The following ATPSCKMT variants were observed in gnomAD, a reference collection of about 807,000 sequenced individuals.
ATPSCKMT encodes ATP synthase c subunit lysine N-methyltransferase, also known as ATP synthase subunit C lysine N-methyltransferase.
A neutral mutation model predicts 24.3 loss-of-function variants in ATPSCKMT; 24 were observed. The observed-to-expected ratio is 0.99, with a 90% CI of 0.71 to 1.39. ATPSCKMT has a LOEUF of 1.39. Among genes scored for constraint, ATPSCKMT ranks in the 40% most tolerant of loss-of-function variants. ATPSCKMT has a pLI of 0.00. For synonymous variants in ATPSCKMT, 95 were observed against 110.5 expected (o/e 0.86, Z 0.88); for missense variants, 311 against 298.4 (o/e 1.04, Z -0.31).
At chr5:10,238,835 T>G (rs987781828) in intron 2 of ATPSCKMT, among the ~76,000 whole-genome samples, 5 of 152,224 alleles carry the variant, frequency 3.3e-5, no homozygotes, top group Non-Finnish European at 5.9e-5. Flanking sequence ...AACTGTTCTT[T>G]TTCACCTGGC....
intron 1 of ATPSCKMT, 78 bp from the exon 2 acceptor site, chr5:10,239,434 C>G: frequency 7.9e-7 from 1 of 1,260,074 alleles, no homozygotes; most frequent in South Asian, 1.4e-5. Context: ...CTACAATTCT[C>G]ATTGGCAAAC....
Position 10,249,885 on chromosome 5 carries a change from C to T in ATPSCKMT, c.-12G>A, listed in dbSNP as rs1467741914. 1 of 1,051,636 alleles carries T rather than the reference C, an allele frequency of 9.5e-7. No homozygotes were observed. The highest frequency in any genetic ancestry group is 1.3e-6 in the Non-Finnish European group (1 of 748,630). 65.1% of individuals were successfully genotyped at this position (1,051,636 alleles called of 1,614,324 possible). Reference sequence around the variant, plus strand: ...CCTCCTCCCTCCATCGCGAGATTTCCAACAGCGTTTTTAAAAAAAAAAAAA... The same window carrying T: ...CCTCCTCCCTCCATCGCGAGATTTCTAACAGCGTTTTTAAAAAAAAAAAAA... On this transcript the variant is annotated 5_prime_UTR_variant, in exon 1 of 5. Coordinates refer to ENST00000511437, the MANE Select transcript of ATPSCKMT (RefSeq NM_199133.4).
At chr5:10,236,648 GAAGAAAA>G in intron 2 of ATPSCKMT, 33 bp from the exon 3 acceptor site, 1 of 1,598,294 alleles carries the variant, frequency 6.3e-7, no homozygotes, top group South Asian at 1.1e-5. Flanking sequence ...TTCAAAATAA[GAAGAAAA>G]AATGAACATA....
chr5:10,235,685 T>C (rs1744344880), intron 3 of ATPSCKMT, among the ~76,000 whole-genome samples: 2 of 152,224 alleles, frequency 1.3e-5, no homozygotes, highest in East Asian at 1.9e-4. Flanking sequence ...CTGTTTTTTG[T>C]TGTTGTTGAA....
At chr5:10,249,710 G>T (rs1397704640) in intron 1 of ATPSCKMT, 148 bp downstream of exon 1, 2 of 1,285,988 alleles carry the variant, frequency 1.6e-6, no homozygotes, top group Non-Finnish European at 2.1e-6. Flanking sequence ...CAGGAGCTCT[G>T]GTCACCGAAG....
intron 2 of ATPSCKMT, chr5:10,237,115 GGTAAAA>G: frequency 1.0e-6 from 1 of 980,704 alleles, no homozygotes; most frequent in South Asian, 1.4e-5. Flanking sequence ...ACTGAAAACA[GGTAAAA>G]GTAAAATGAA....
Position 10,226,733 on chromosome 5 carries a change from A to C in ATPSCKMT, c.*708T>G, listed in dbSNP as rs1743896926. On this transcript the variant is annotated 3_prime_UTR_variant, in exon 5 of 5. Transcript: ENST00000511437. ...CCATGAGTTTTAGAAATTGGTCCCC[A>C]CTCCACTGTTATGTGTACCATTATC... 6.6e-6 allele frequency: 1 copy of C among 152,172 alleles called. No individual in the cohort carries two copies. The highest frequency in any genetic ancestry group is 6.5e-5 in the Admixed American group (1 of 15,276). 9.4% of individuals were successfully genotyped at this position (152,172 alleles called of 1,614,324 possible).
At chr5:10,246,980 G>GT (rs1196446412) in intron 1 of ATPSCKMT, among the ~76,000 whole-genome samples, 1 of 152,240 alleles carries the variant, frequency 6.6e-6, no homozygotes, top group African/African-American at 2.4e-5. Context: ...TGGAACCAAG[G>GT]TGTGGAAGGC....
chr5:10,246,235 G>A (rs1366873456), intron 1 of ATPSCKMT, among the ~76,000 whole-genome samples: 1 of 152,086 alleles, frequency 6.6e-6, no homozygotes, highest in Non-Finnish European at 1.5e-5. Flanking sequence ...TTCCAGACCA[G>A]CCTGGCCAAT....
intron 1 of ATPSCKMT, among the ~76,000 whole-genome samples, chr5:10,245,230 C>A (rs1290250186): frequency 6.6e-6 from 1 of 151,430 alleles, no homozygotes; most frequent in African/African-American, 2.4e-5. Context: ...ACTATCCTGG[C>A]TAACACAGTG....
intron 1 of ATPSCKMT, among the ~76,000 whole-genome samples, chr5:10,244,986 T>C (rs575249437): frequency 8.4e-4 from 128 of 152,284 alleles, no homozygotes; most frequent in Non-Finnish European, 1.5e-3. Flanking sequence ...CTTGTGGACA[T>C]TCCAGTTGTA....
At chr5:10,228,899 G>A (rs1276297804) in intron 4 of ATPSCKMT, among the ~76,000 whole-genome samples, 1 of 152,036 alleles carries the variant, frequency 6.6e-6, no homozygotes, top group Non-Finnish European at 1.5e-5. Context: ...CAAAGTGTTG[G>A]GACTACAGGC....
At position 10,236,539 on chromosome 5, in the gene ATPSCKMT, T is replaced by C. The variant is rs1230206512; in HGVS notation, c.383A>G (p.Tyr128Cys). ...LNPWLVWYSR[Y>C]RAWREGVHGS... is the part of the protein sequence containing the mutation. ...ATGCACACCTTCTCGCCAAGCGCGG[T>C]ATCTGGAATACCAAACTAGCCATGG... is the stretch of plus-strand genomic sequence containing the variant. The change falls in exon 3 of 5, where the codon TAC becomes TGC. Residue 128 changes from tyrosine to cysteine, a missense_variant. Tyr to Cys is a radical substitution (Grantham distance 194, BLOSUM62 -2). Coordinates refer to ENST00000511437, the MANE Select transcript of ATPSCKMT (RefSeq NM_199133.4). 5 of 1,614,098 alleles carry C rather than the reference T, an allele frequency of 3.1e-6. No individual in the cohort carries two copies. In the Admixed American group the frequency reaches 6.7e-5, roughly 22 times the overall value.
intron 1 of ATPSCKMT, among the ~76,000 whole-genome samples, chr5:10,240,236 A>AT (rs1038616969): frequency 7.2e-4 from 109 of 151,320 alleles, no homozygotes; most frequent in Middle Eastern, 6.8e-3. Context: ...TCTGTCTCAA[A>AT]AAAAAAAAAA....
chr5:10,232,565 G>A (rs925322834), intron 4 of ATPSCKMT, among the ~76,000 whole-genome samples: 2 of 152,260 alleles, frequency 1.3e-5, no homozygotes, highest in South Asian at 2.1e-4. Flanking sequence ...TGTCATCAAG[G>A]ACTGCCTTGC....
At chr5:10,236,924 A>G (rs12653481) in intron 2 of ATPSCKMT, 260,306 of 1,356,588 alleles carry the variant, frequency 0.19, 32,739 homozygotes, top group East Asian at 0.8. Context: ...AGGTCGAACA[A>G]AACATTGCTG....
chr5:10,239,471 T>C, intron 1 of ATPSCKMT, 115 bp from the exon 2 acceptor site: 1 of 895,182 alleles, frequency 1.1e-6, no homozygotes, highest in South Asian at 1.7e-5. Context: ...AAGGATAATT[T>C]AGCTGAATAC....
intron 2 of ATPSCKMT, 139 bp downstream of exon 2, chr5:10,238,928 T>C: frequency 9.6e-7 from 1 of 1,039,728 alleles, no homozygotes; most frequent in South Asian, 1.7e-5. Context: ...TTGAATAGTT[T>C]GGTCAAACAA....
intron 4 of ATPSCKMT, among the ~76,000 whole-genome samples, chr5:10,232,093 C>A (rs1744164830): frequency 6.6e-6 from 1 of 152,126 alleles, no homozygotes; most frequent in African/African-American, 2.4e-5. Flanking sequence ...TTCCCAGCGA[C>A]TTGGCAGGCT....
Sources: gnomAD v4.1 joint callset for allele counts (sites outside exome capture counted in the v4.1 genomes callset) on GRCh38, gnomAD v4.1.1 for gene constraint, MANE v1.5 for transcripts, NCBI Gene and HGNC (gene_info 2026-07-23, HGNC 2026-07-21) for gene names.